DCSTAMP: variants seen among roughly 807,000 people sequenced by gnomAD.
DCSTAMP encodes dendrocyte expressed seven transmembrane protein, also known as dendritic cell-specific transmembrane protein.
A neutral mutation model predicts 33.8 loss-of-function variants in DCSTAMP; 25 were observed. The ratio of observed to expected loss-of-function variants is 0.74; its 90% CI spans 0.54 to 1.03. The LOEUF (loss-of-function observed/expected upper bound fraction) is 1.03. Ranked by LOEUF, DCSTAMP falls within the 50% of genes least tolerant of loss-of-function variation. The pLI, the probability that DCSTAMP is intolerant of heterozygous loss-of-function variation, is 0.00. For synonymous variants in DCSTAMP, 245 were observed against 216.7 expected, an observed-to-expected ratio of 1.13 and a Z score of -1.15; for missense variants, 531 against 556.8, an observed-to-expected ratio of 0.95 and a Z score of 0.47.
rs746464117 is a variant in DCSTAMP at position 104,348,874 on chromosome 8, T to C, written c.322T>C (p.Leu108=). The C allele has an allele frequency of 1.2e-6, 2 of 1,614,250 alleles. No individual in the cohort carries two copies. Among genetic ancestry groups the C allele is most frequent in the Non-Finnish European group, 1.7e-6 (2 of 1,180,040 alleles). The stretch of plus-strand genomic sequence containing the variant: ...TGCAGCTGGCACAGGGATCGTCATC[T>C]TGGGACACGTAGAAAATATTTTTCA... The part of the protein sequence containing the change: ...LIAAGTGIVI[L]GHVENIFHNF... The change falls in exon 2 of 4, where the codon TTG becomes CTG. Residue 108 remains leucine (L), a synonymous_variant. Coordinates refer to ENST00000297581, the MANE Select transcript of DCSTAMP (RefSeq NM_030788.4).
intron 2 of DCSTAMP, among the ~76,000 whole-genome samples, chr8:104,352,305 GAAGAATCCCGTTAATT>G (rs1424217507): frequency 8.5e-5 from 13 of 152,190 alleles, no homozygotes; most frequent in Admixed American, 2.0e-4. Context: ...TGAGTCCCCT[GAAGAATCCCGTTAATT>G]ACAAGGCACC....
In DCSTAMP at chr8:104,349,451, T is replaced by C. The variant is rs776334555; in HGVS notation, c.899T>C (p.Ile300Thr). ...AACCTGGGGCTGTTTTTCCTCCCCA[T>C]ACTTATCCATCTCTGCATCTGGGTG... is the stretch of plus-strand genomic sequence containing the variant. ...RKNLGLFFLP[I>T]LIHLCIWVLF... is the part of the protein sequence containing the mutation. Residue 300 changes from isoleucine to threonine, a missense_variant, in exon 2 of 4, where the codon ATA (isoleucine) becomes ACA (threonine). Transcript: ENST00000297581. 5 of 1,614,076 alleles carry C rather than the reference T, an allele frequency of 3.1e-6. No homozygotes were observed. The highest frequency in any genetic ancestry group is 1.7e-5 in the Admixed American group (1 of 60,000).
chr8:104,356,010 A>C, intron 3 of DCSTAMP, 114 bp from the exon 4 acceptor site: 1 of 863,770 alleles, frequency 1.2e-6, no homozygotes, highest in Non-Finnish European at 1.8e-6. Flanking sequence ...TGTCTATTTC[A>C]GTCTTTTGCT....
At chr8:104,344,463 C>T (rs1463701748) in intron 1 of DCSTAMP, among the ~76,000 whole-genome samples, 1 of 152,166 alleles carries the variant, frequency 6.6e-6, no homozygotes, top group Admixed American at 6.5e-5. Context: ...ATATACAGCA[C>T]GCCCAGCATC....
intron 3 of DCSTAMP, 150 bp from the exon 4 acceptor site, chr8:104,355,974 A>G (rs1269223240): frequency 3.3e-6 from 2 of 613,090 alleles, no homozygotes; most frequent in Non-Finnish European, 5.5e-6. Flanking sequence ...ACAATGGAAG[A>G]CCAACATAAC....
intron 1 of DCSTAMP, among the ~76,000 whole-genome samples, chr8:104,348,113 G>T (rs563142936): frequency 6.6e-6 from 1 of 152,184 alleles, no homozygotes; most frequent in African/African-American, 2.4e-5. Context: ...CAGCATTGCA[G>T]GCCCATTTTA....
intron 1 of DCSTAMP, 108 bp from the exon 2 acceptor site, chr8:104,348,433 A>G: frequency 1.8e-6 from 2 of 1,123,306 alleles, no homozygotes; most frequent in Non-Finnish European, 2.5e-6. Context: ...CAGGAAGAGT[A>G]AAGAATTATG....
intron 2 of DCSTAMP, among the ~76,000 whole-genome samples, chr8:104,351,138 A>ATGGTGGGG: frequency 6.6e-6 from 1 of 152,096 alleles, no homozygotes; most frequent in Non-Finnish European, 1.5e-5. Flanking sequence ...ACAAACAGAG[A>ATGGTGGGG]AGATGGTGGG....
chr8:104,345,769 A>AT (rs1810298473), intron 1 of DCSTAMP, among the ~76,000 whole-genome samples: 1 of 152,242 alleles, frequency 6.6e-6, no homozygotes, highest in South Asian at 2.1e-4. Flanking sequence ...CATAAAGGAA[A>AT]TTAGAAAAAA....
chr8:104,356,273 C>T lies in DCSTAMP; in HGVS notation c.*75C>T, dbSNP rs1810623519. On this transcript the variant is annotated 3_prime_UTR_variant, in exon 4 of 4. Transcript: ENST00000297581. ...TCTAGGATGGCAGTCACTATTCATG[C>T]CGGATAATAGAGAACTATGTGACGC... 3 of 1,438,496 alleles carry T rather than the reference C, an allele frequency of 2.1e-6. No homozygotes were observed. Among genetic ancestry groups the T allele is most frequent in the South Asian group, 1.3e-5 (1 of 77,434 alleles). The allele number at this position is 1,438,496 out of a possible 1,614,324, so 89.1% of individuals were successfully genotyped here. A position where few individuals can be genotyped will look rare whatever the true frequency, so the allele number is the denominator to read the frequency against.
Position 104,349,286 on chromosome 8 carries a change from T to C in DCSTAMP, c.734T>C (p.Ile245Thr), listed in dbSNP as rs1564066026. 6.2e-7 allele frequency: 1 copy of C among 1,614,188 alleles called. No individual in the cohort carries two copies. The highest frequency in any genetic ancestry group is 8.5e-7 in the Non-Finnish European group (1 of 1,180,036). ...LGPCGWKYENIYITRQFVQFD... is the reference protein window; with the variant it reads ...LGPCGWKYENTYITRQFVQFD... ...CCTTGTGGTTGGAAGTATGAAAACATCTACATCACCAGACAATTTGTTCAG... is the reference window on the plus strand; with the variant it reads ...CCTTGTGGTTGGAAGTATGAAAACACCTACATCACCAGACAATTTGTTCAG... The change falls in exon 2 of 4, where the codon ATC (isoleucine) becomes ACC (threonine). Residue 245 changes from isoleucine to threonine, a missense_variant. Coordinates refer to ENST00000297581, the MANE Select transcript of DCSTAMP (RefSeq NM_030788.4).
chr8:104,351,125 T>C (rs942711513), intron 2 of DCSTAMP, among the ~76,000 whole-genome samples: 3 of 152,220 alleles, frequency 2.0e-5, no homozygotes, highest in Non-Finnish European at 2.9e-5. Flanking sequence ...TTGGCAGCCA[T>C]GGACAAACAG....
At chr8:104,354,259 C>T (rs912799395) in intron 2 of DCSTAMP, among the ~76,000 whole-genome samples, 2 of 152,120 alleles carry the variant, frequency 1.3e-5, no homozygotes, top group Non-Finnish European at 2.9e-5. Flanking sequence ...ATATAGTACA[C>T]TAAATAAGAA....
At chr8:104,342,534 C>T (rs1210630304) in intron 1 of DCSTAMP, among the ~76,000 whole-genome samples, 3 of 152,232 alleles carry the variant, frequency 2.0e-5, no homozygotes, top group African/African-American at 7.2e-5. Context: ...GGGGCATGGG[C>T]TCTCCAGCCC....
chr8:104,347,981 G>T (rs1242752133), intron 1 of DCSTAMP, among the ~76,000 whole-genome samples: 1 of 152,136 alleles, frequency 6.6e-6, no homozygotes, highest in Admixed American at 6.5e-5. Flanking sequence ...GCAGAGGGAA[G>T]ATGCAACATT....
rs1286080610 is a variant in DCSTAMP, at chr8:104,349,228, G to A, written c.676G>A (p.Gly226Ser). Residue 226 changes from glycine to serine, a missense_variant, in exon 2 of 4, where the codon GGC becomes AGC. Gly to Ser is a moderately conservative substitution (Grantham distance 56). Coordinates refer to ENST00000297581, the MANE Select transcript of DCSTAMP (RefSeq NM_030788.4). ...AFAGLSLVLL[G>S]TGLFMKRFLG... ...TGCAGGGCTTTCGCTCGTCCTGCTT[G>A]GCACTGGCCTCTTCATGAAGCGATT... 1.9e-6 allele frequency: 3 copies of A among 1,614,104 alleles called. No homozygotes were observed. Among genetic ancestry groups the A allele is most frequent in the Admixed American group, 1.7e-5 (1 of 60,008 alleles).
intron 1 of DCSTAMP, among the ~76,000 whole-genome samples, chr8:104,342,008 G>A (rs542459430): frequency 6.6e-6 from 1 of 152,326 alleles, no homozygotes; most frequent in Admixed American, 6.5e-5. Context: ...ACAGGTTAAA[G>A]GGATCAGGTA....
In DCSTAMP at chr8:104,355,111, G is replaced by C. The variant is rs531692072; in HGVS notation, c.1264G>C (p.Ala422Pro). ...GAGGAAGCGCATCCAATATCTGCAT[G>C]CAAAGCTGCTTAAAAAAAGATCAAA... ...VERKRIQYLH[A>P]KLLKKRSKQP... Residue 422 changes from alanine to proline, a missense_variant, in exon 3 of 4, where the codon GCA becomes CCA. By Grantham distance (27) the Ala-to-Pro change is conservative. Transcript: ENST00000297581. 254 of 1,614,054 alleles carry C rather than the reference G, an allele frequency of 1.6e-4. 1 individual carries two copies. The South Asian group carries it at 2.6e-3, about 17-fold the overall frequency.
In DCSTAMP at chr8:104,349,356, G is replaced by A. The variant is rs774821780; in HGVS notation, c.804G>A (p.Pro268=). Residue 268 remains proline (P), a synonymous_variant, in exon 2 of 4, where the codon CCG becomes CCA. Transcript: ENST00000297581. ...ERHQQRPCVL[P]LNKEERRKYV... ...ATCAACAGAGGCCCTGTGTGCTCCCGCTGAATAAGGAGGAAAGGAGGAAGT... is the reference window on the plus strand; with the variant it reads ...ATCAACAGAGGCCCTGTGTGCTCCCACTGAATAAGGAGGAAAGGAGGAAGT... 584 of 1,614,154 alleles carry A rather than the reference G, an allele frequency of 3.6e-4. No homozygotes were observed. The highest frequency in any genetic ancestry group is 4.3e-4 in the Non-Finnish European group (512 of 1,180,018).
Sources: gnomAD v4.1 joint callset for allele counts (sites outside exome capture counted in the v4.1 genomes callset) on GRCh38, gnomAD v4.1.1 for gene constraint, MANE v1.5 for transcripts, NCBI Gene and HGNC (gene_info 2026-07-23, HGNC 2026-07-21) for gene names.